Variants in MYO1H observed in about 807,000 individuals in gnomAD.
MYO1H encodes the protein unconventional myosin-Ih.
A neutral mutation model predicts 149.3 loss-of-function variants in MYO1H; 118 were observed. The observed-to-expected ratio is 0.79, with a 90% CI of 0.68 to 0.92. The LOEUF (loss-of-function observed/expected upper bound fraction) is 0.92, where lower values mean the gene tolerates loss of function less well. Ranked by LOEUF, MYO1H falls within the 40% of genes least tolerant of loss-of-function variation. The probability of loss-of-function intolerance (pLI) is 0.00; values close to 1 mark genes in which losing one functional copy is unlikely to be tolerated. For missense variants in MYO1H, 1,212 were observed against 1,280.7 expected (o/e 0.95, Z 0.82); for synonymous variants, 447 against 465.2 (o/e 0.96, Z 0.50).
the MYO1H span, among the ~76,000 whole-genome samples, chr12:109,338,335 C>A: frequency 6.6e-6 from 1 of 152,164 alleles, no homozygotes; most frequent in Non-Finnish European, 1.5e-5. Context: ...ATTTCTCTTT[C>A]AACTAAAACT....
chr12:109,400,265 G>A (rs1198298951), intron 5 of MYO1H, among the ~76,000 whole-genome samples: 1 of 152,128 alleles, frequency 6.6e-6, no homozygotes, highest in African/African-American at 2.4e-5. Context: ...GATTTACATT[G>A]GATTAAAGAA....
At chr12:109,315,402 A>G in the MYO1H span, among the ~76,000 whole-genome samples, 7 of 152,262 alleles carry the variant, frequency 4.6e-5, no homozygotes, top group South Asian at 2.1e-4. Flanking sequence ...GACTGGGACT[A>G]TTACTCTATT....
chr12:109,443,009 A>ATAT (rs1555255518), intron 27 of MYO1H, among the ~76,000 whole-genome samples: 17 of 58,494 alleles, frequency 2.9e-4, no homozygotes, highest in South Asian at 2.1e-3. Context: ...AAAAAAAAAA[A>ATAT]ATATATATAT....
chr12:109,411,757 C>G lies in MYO1H; in HGVS notation c.1411-137C>G, dbSNP rs572228733. The G allele has an allele frequency of 8.3e-5, 49 of 588,600 alleles. No individual in the cohort carries two copies. The East Asian group carries it at 1.4e-3, about 17-fold the overall frequency. 36.5% of individuals were successfully genotyped at this position (588,600 alleles called of 1,614,324 possible). ...CACATGGATTAAGCCCTTCTTCCCC[C>G]CAGAATGTTCACCTGCACTTACATG... On this transcript the variant is annotated intron_variant, in intron 13 of 31. Coordinates refer to ENST00000310903, the Ensembl canonical transcript of MYO1H.
chr12:109,380,525 C>T (rs1246765172), intron 1 of MYO1H, among the ~76,000 whole-genome samples: 1 of 152,164 alleles, frequency 6.6e-6, no homozygotes, highest in Non-Finnish European at 1.5e-5. Flanking sequence ...TTTCAGTAAT[C>T]CCACTGGTGA....
chr12:109,414,653 G>A (rs770423233), intron 14 of MYO1H, among the ~76,000 whole-genome samples: 1 of 152,088 alleles, frequency 6.6e-6, no homozygotes, highest in Non-Finnish European at 1.5e-5. Flanking sequence ...ATGTGTTTCT[G>A]TGGCTCAGTT....
intron 2 of MYO1H, among the ~76,000 whole-genome samples, chr12:109,389,323 C>T (rs773635713): frequency 1.1e-4 from 16 of 152,106 alleles, no homozygotes; most frequent in African/African-American, 1.4e-4. Flanking sequence ...GGCCCACTTT[C>T]GGTCATGTGC....
rs138200951 is a variant in MYO1H at position 109,408,473 on chromosome 12, T to G, written c.1155+560T>G. 2.3e-4 allele frequency among the ~76,000 whole-genome samples: 35 copies of G among 152,324 alleles called. No individual in the cohort carries two copies. The East Asian group carries it at 6.6e-3, about 29-fold the overall frequency. On this transcript the variant is annotated intron_variant, in intron 10 of 31. Coordinates refer to ENST00000310903, the Ensembl canonical transcript of MYO1H. ...TACAGGCATGAACCACCACAAATCT[T>G]TAAATTTCAACAGTAATATATTCAC...
chr12:109,326,105 A>C, the MYO1H span, among the ~76,000 whole-genome samples: 112 of 152,352 alleles, frequency 7.4e-4, no homozygotes, highest in African/African-American at 2.7e-3. Context: ...AGGCCCTGTC[A>C]GCATGCAGCA....
intron 5 of MYO1H, among the ~76,000 whole-genome samples, chr12:109,398,887 C>T (rs1253099920): frequency 6.6e-6 from 1 of 152,030 alleles, no homozygotes; most frequent in Non-Finnish European, 1.5e-5. Flanking sequence ...GCCATACAGT[C>T]GCAATGACCC....
intron 20 of MYO1H, 113 bp from the exon 21 acceptor site, chr12:109,434,924 A>C: frequency 1.6e-6 from 1 of 633,874 alleles, no homozygotes; most frequent in Non-Finnish European, 2.8e-6. Flanking sequence ...ATTTCCAAAT[A>C]AGATGGTATT....
chr12:109,424,157 G>T (rs901998902), intron 16 of MYO1H, among the ~76,000 whole-genome samples: 1 of 152,102 alleles, frequency 6.6e-6, no homozygotes, highest in African/African-American at 2.4e-5. Flanking sequence ...TTATCTTGGA[G>T]ATCATTCTTT....
chr12:109,353,393 C>CAAAAAA (rs55927192), intron 1 of MYO1H, among the ~76,000 whole-genome samples: 7 of 79,284 alleles, frequency 8.8e-5, no homozygotes, highest in African/African-American at 1.9e-4. Flanking sequence ...GACTCCGTCT[C>CAAAAAA]AAAAAAAAAA....
Position 109,367,447 on chromosome 12 carries a change from G to A in MYO1H, c.12+19475G>A, listed in dbSNP as rs549021000. Among the ~76,000 whole-genome samples the A allele has an allele frequency of 2.6e-5, 4 of 152,218 alleles. No homozygotes were observed. The East Asian group carries it at 5.8e-4, about 22-fold the overall frequency. On this transcript the variant is annotated intron_variant, in intron 1 of 31. Transcript: ENST00000310903. ...ATTTTTTAAAAGACCCATAACACAAGTACTAAAGAGATTTGGGGGAAAACT... is the reference window on the plus strand; with the variant it reads ...ATTTTTTAAAAGACCCATAACACAAATACTAAAGAGATTTGGGGGAAAACT...
chr12:109,316,296 G>A, the MYO1H span, among the ~76,000 whole-genome samples: 10 of 152,144 alleles, frequency 6.6e-5, no homozygotes, highest in Non-Finnish European at 1.3e-4. Context: ...CAGCAACCGT[G>A]AGTGGTTTTA....
At chr12:109,439,649 C>T in exon 24 of MYO1H, 1 of 1,612,608 alleles carries the variant, frequency 6.2e-7, no homozygotes, top group Non-Finnish European at 8.5e-7. Flanking sequence ...AAGGATTCAT[C>T]AGTCGCAACA....
chr12:109,408,014 G>C, intron 10 of MYO1H, 101 bp downstream of exon 10: 1 of 1,449,788 alleles, frequency 6.9e-7, no homozygotes, highest in Non-Finnish European at 9.6e-7. Flanking sequence ...AACTGTGGGC[G>C]CCTCATGGGC....
chr12:109,401,660 C>T (rs772575126), intron 6 of MYO1H, among the ~76,000 whole-genome samples: 10 of 152,218 alleles, frequency 6.6e-5, no homozygotes, highest in East Asian at 3.9e-4. Context: ...AAGTGAGGAG[C>T]GCTGATCTGG....
the MYO1H span, among the ~76,000 whole-genome samples, chr12:109,338,765 CAAAAAAAAAA>C: frequency 1.1e-5 from 1 of 87,350 alleles, no homozygotes; most frequent in African/African-American, 4.8e-5. Context: ...GACTCCATCT[CAAAAAAAAAA>C]AAAAAAAAAA....
Sources: gnomAD v4.1 joint callset for allele counts (sites outside exome capture counted in the v4.1 genomes callset) on GRCh38, gnomAD v4.1.1 for gene constraint, MANE v1.5 for transcripts, NCBI Gene and HGNC (gene_info 2026-07-23, HGNC 2026-07-21) for gene names.